GRM5: variants seen among roughly 807,000 people sequenced by gnomAD.
The protein encoded by GRM5 is glutamate metabotropic receptor 5.
Under a neutral mutation model 83.1 loss-of-function variants are expected in GRM5, and 19 were observed. That is an observed-to-expected ratio of 0.23 (90% confidence interval 0.16 to 0.34). The LOEUF (loss-of-function observed/expected upper bound fraction) is 0.34, where lower values mean the gene tolerates loss of function less well. Ranked by LOEUF, GRM5 falls within the 10% of genes least tolerant of loss-of-function variation. The probability of loss-of-function intolerance (pLI) is 1.00; values close to 1 mark genes in which losing one functional copy is unlikely to be tolerated. For synonymous variants in GRM5, 675 were observed against 633.6 expected (o/e 1.07, Z -0.98); for missense variants, 1,160 against 1,588.3 (o/e 0.73, Z 4.58).
intron 2 of GRM5, among the ~76,000 whole-genome samples, chr11:88,984,109 T>G (rs1014209006): frequency 6.6e-6 from 1 of 152,114 alleles, no homozygotes; most frequent in African/African-American, 2.4e-5. Context: ...AAAAGGTGTC[T>G]TAATAAATTT....
Position 88,567,286 on chromosome 11 carries a change from G to T in GRM5, c.2397C>A (p.Ile799=). Residue 799 remains isoleucine, a synonymous_variant, in exon 8 of 10, where the codon ATC becomes ATA. Coordinates refer to ENST00000305447, the MANE Select transcript of GRM5 (RefSeq NM_001143831.3). This position sits in a 1 kb window ranked among gnomAD's most constrained non-coding sequence, Gnocchi z 7.3. The part of the protein sequence containing the change: ...VPIYFGSNYK[I]ITMCFSVSLS... ...GGCTGACCGAGAAACACATGGTGAT[G>T]ATTTTGTAGTTGCTGCCAAAGTAGA... 3.1e-6 allele frequency: 5 copies of T among 1,613,984 alleles called. No individual in the cohort carries two copies. Among genetic ancestry groups the T allele is most frequent in the Non-Finnish European group, 4.2e-6 (5 of 1,179,832 alleles).
At chr11:88,943,474 G>A (rs1456655932) in intron 2 of GRM5, among the ~76,000 whole-genome samples, 1 of 151,912 alleles carries the variant, frequency 6.6e-6, no homozygotes, top group Non-Finnish European at 1.5e-5. Context: ...ATTTTCTATT[G>A]TACATATCTA....
chr11:88,754,038 A>C (rs1298338560), intron 3 of GRM5, among the ~76,000 whole-genome samples: 1 of 152,144 alleles, frequency 6.6e-6, no homozygotes, highest in Non-Finnish European at 1.5e-5. Context: ...TGGGAACTAC[A>C]AGATGAGATT....
chr11:89,052,928 C>T (rs1261856537), intron 1 of GRM5, among the ~76,000 whole-genome samples: 2 of 152,082 alleles, frequency 1.3e-5, no homozygotes, highest in Admixed American at 1.3e-4. Context: ...AAGTTAAAAA[C>T]TAGCTGATCA....
intron 2 of GRM5, among the ~76,000 whole-genome samples, chr11:88,854,328 G>A (rs1282815117): frequency 1.3e-5 from 2 of 151,378 alleles, no homozygotes; most frequent in South Asian, 2.1e-4. Context: ...GTGTCTAGGG[G>A]GCGTCACTCT....
At chr11:88,901,361 A>G (rs1375625943) in intron 2 of GRM5, among the ~76,000 whole-genome samples, 1 of 152,158 alleles carries the variant, frequency 6.6e-6, no homozygotes, top group Non-Finnish European at 1.5e-5. Flanking sequence ...TTCTCTTTTT[A>G]TATTAGATAA....
chr11:88,654,899 T>C (rs1402666082), intron 3 of GRM5, among the ~76,000 whole-genome samples: 1 of 152,056 alleles, frequency 6.6e-6, no homozygotes, highest in East Asian at 1.9e-4. Flanking sequence ...CAGTATGCAG[T>C]GCTGTGCCAA....
intron 3 of GRM5, among the ~76,000 whole-genome samples, chr11:88,710,790 A>T (rs554548301): frequency 6.6e-6 from 1 of 151,982 alleles, no homozygotes; most frequent in Non-Finnish European, 1.5e-5. Flanking sequence ...GGTAGAAGAA[A>T]CAGGATACGT....
intron 2 of GRM5, among the ~76,000 whole-genome samples, chr11:88,917,584 G>A (rs1028427792): frequency 2.6e-5 from 4 of 152,000 alleles, no homozygotes; most frequent in African/African-American, 9.7e-5. Context: ...ATGAAATTCA[G>A]GACATTACAG....
At chr11:88,801,682 T>G (rs1034794189) in intron 3 of GRM5, among the ~76,000 whole-genome samples, 2 of 152,104 alleles carry the variant, frequency 1.3e-5, no homozygotes, top group Non-Finnish European at 2.9e-5. Context: ...GAGTGAGGCA[T>G]AGGTGAGAAA....
intron 2 of GRM5, among the ~76,000 whole-genome samples, chr11:89,018,590 C>T (rs899423734): frequency 6.6e-5 from 10 of 151,856 alleles, no homozygotes; most frequent in African/African-American, 1.5e-4. Context: ...CACTGGGATA[C>T]GGAAATTAAA....
At chr11:88,824,664 T>C (rs1943863661) in intron 3 of GRM5, among the ~76,000 whole-genome samples, 1 of 152,200 alleles carries the variant, frequency 6.6e-6, no homozygotes, top group African/African-American at 2.4e-5. Flanking sequence ...ATGCTACCAC[T>C]GATCTGACAG....
intron 3 of GRM5, among the ~76,000 whole-genome samples, chr11:88,808,078 A>C (rs1394442624): frequency 6.6e-6 from 1 of 152,040 alleles, no homozygotes; most frequent in Non-Finnish European, 1.5e-5. Flanking sequence ...AATATCTACT[A>C]TTCAATAATT....
chr11:88,610,549 G>A (rs1938284394), intron 4 of GRM5, among the ~76,000 whole-genome samples: 1 of 152,182 alleles, frequency 6.6e-6, no homozygotes, highest in African/African-American at 2.4e-5. Flanking sequence ...AAATGCTACT[G>A]ATATTTGTAC....
At chr11:88,828,913 C>G (rs554200518) in intron 3 of GRM5, among the ~76,000 whole-genome samples, 1 of 152,060 alleles carries the variant, frequency 6.6e-6, no homozygotes, top group South Asian at 2.1e-4. Flanking sequence ...ATAAAGCAAT[C>G]TGTCTTTATG....
chr11:88,638,132 A>C (rs1437435145), intron 4 of GRM5, among the ~76,000 whole-genome samples: 1 of 129,212 alleles, frequency 7.7e-6, no homozygotes, highest in African/African-American at 3.0e-5. Context: ...AGGAAGGGGA[A>C]CATCACACTC....
chr11:88,670,689 G>A (rs1379652030), intron 3 of GRM5, among the ~76,000 whole-genome samples: 1 of 152,064 alleles, frequency 6.6e-6, no homozygotes, highest in Non-Finnish European at 1.5e-5. Flanking sequence ...GAAATGACCA[G>A]TGAATGTTTT....
chr11:88,881,645 A>G (rs1417485644), intron 2 of GRM5, among the ~76,000 whole-genome samples: 3 of 152,218 alleles, frequency 2.0e-5, no homozygotes, highest in Non-Finnish European at 4.4e-5. Flanking sequence ...GATGAAAACC[A>G]TGTGAACTCA....
intron 2 of GRM5, among the ~76,000 whole-genome samples, chr11:88,982,957 TC>T (rs1245317796): frequency 6.6e-6 from 1 of 152,134 alleles, no homozygotes; most frequent in Non-Finnish European, 1.5e-5. Context: ...TCTCAGCTAC[TC>T]AGGAAGCTGA....
Sources: gnomAD v4.1 joint callset for allele counts (sites outside exome capture counted in the v4.1 genomes callset) on GRCh38, gnomAD v4.1.1 for gene constraint, Gnocchi (gnomAD v3.1) non-coding constraint, MANE v1.5 for transcripts, NCBI Gene and HGNC (gene_info 2026-07-23, HGNC 2026-07-21) for gene names.